Variants in TBCCD1 observed in about 807,000 individuals in gnomAD.
The protein encoded by TBCCD1 is TBCC domain containing 1.
Under a neutral mutation model 53.4 loss-of-function variants are expected in TBCCD1, and 26 were observed. That is an observed-to-expected ratio of 0.49 (90% CI 0.36 to 0.68). The LOEUF is 0.68. Among genes scored for constraint, TBCCD1 ranks in the 30% least tolerant of loss-of-function variants. TBCCD1 has a pLI of 0.00. For synonymous variants in TBCCD1, 245 were observed against 241.7 expected (o/e 1.01, Z -0.13); for missense variants, 558 against 669.5 (o/e 0.83, Z 1.84).
Position 186,564,183 on chromosome 3 carries a change from G to A in TBCCD1, c.147C>T (p.Tyr49=). 6.2e-7 allele frequency: 1 copy of A among 1,614,186 alleles called. No homozygotes were observed. The highest frequency in any genetic ancestry group is 8.5e-7 in the Non-Finnish European group (1 of 1,180,030). ...TCCATGTAGACCAGTAGAGGCGCGG[G>A]TAAGCTCCTTCTGTGGCCCGGATTT... ...YVQIRATEGA[Y]PRLYWSTWRH... Residue 49 remains tyrosine, a synonymous_variant, in exon 2 of 8, where the codon TAC becomes TAT. Transcript: ENST00000338733.
chr3:186,563,385 T>C (rs997093923), intron 2 of TBCCD1, among the ~76,000 whole-genome samples: 1 of 152,218 alleles, frequency 6.6e-6, no homozygotes, highest in Non-Finnish European at 1.5e-5. Context: ...TTAAATAGCA[T>C]CTTTTTTTAA....
upstream of TBCCD1, chr3:186,570,156 A>T (rs1285236078): frequency 1.4e-6 from 1 of 702,010 alleles, no homozygotes; most frequent in Non-Finnish European, 2.6e-6. Context: ...GTCTGTCATC[A>T]CTGTAGCCTT....
At chr3:186,564,629 T>G (rs1405933942) in intron 1 of TBCCD1, among the ~76,000 whole-genome samples, 1 of 152,162 alleles carries the variant, frequency 6.6e-6, no homozygotes, top group African/African-American at 2.4e-5. Context: ...TGTGTGTAGA[T>G]GCATGAAGTC....
At chr3:186,570,510 A>T (rs1375845515), upstream of TBCCD1, 1 of 492,296 alleles carries the variant, frequency 2.0e-6, no homozygotes, top group Non-Finnish European at 3.6e-6. Flanking sequence ...GCTCAGGCAG[A>T]GCGGGTTCCT....
At chr3:186,562,356 AAGAG>A (rs1346868131) in intron 2 of TBCCD1, among the ~76,000 whole-genome samples, 1 of 152,170 alleles carries the variant, frequency 6.6e-6, no homozygotes, top group South Asian at 2.1e-4. Context: ...TAAAAACAGA[AAGAG>A]AGAGAAATCC....
At chr3:186,552,365 G>A (rs1714406612) in intron 6 of TBCCD1, among the ~76,000 whole-genome samples, 1 of 152,036 alleles carries the variant, frequency 6.6e-6, no homozygotes, top group Non-Finnish European at 1.5e-5. Flanking sequence ...TTCTTTTGTT[G>A]AACATAAACA....
In TBCCD1 at chr3:186,551,191, G is replaced by C; in HGVS notation, c.1633C>G (p.Leu545Val). The C allele has an allele frequency of 6.2e-7, 1 of 1,612,600 alleles. No individual in the cohort carries two copies. The change falls in exon 7 of 8, where the codon CTT (leucine) becomes GTT (valine). Residue 545 changes from leucine to valine, a missense_variant. Leu to Val is a conservative substitution (Grantham distance 32). Transcript: ENST00000338733. ...NTGHRQQLDSLVPPAAGSKQA... is the reference protein window; with the variant it reads ...NTGHRQQLDSVVPPAAGSKQA... ...TTGGAGCCTGCTGCAGGGGGTACAA[G>C]GCTGTCCAGCTGTTGGCGATGTCCT...
At chr3:186,554,850 T>A in intron 5 of TBCCD1, 48 bp downstream of exon 5, 1 of 1,605,538 alleles carries the variant, frequency 6.2e-7, no homozygotes, top group Non-Finnish European at 8.5e-7. Flanking sequence ...TCAGTCACAG[T>A]CCAAAGAAAA....
intron 7 of TBCCD1, among the ~76,000 whole-genome samples, chr3:186,548,545 T>C (rs1441068759): frequency 6.6e-6 from 1 of 152,226 alleles, no homozygotes; most frequent in Admixed American, 6.5e-5. Flanking sequence ...TAATATTTTA[T>C]CTCAATAAAA....
chr3:186,556,344 T>C lies in TBCCD1; in HGVS notation c.859+65A>G. 5 of 1,542,504 alleles carry C rather than the reference T, an allele frequency of 3.2e-6. No individual in the cohort carries two copies. In the South Asian group the frequency reaches 6.4e-5, roughly 20 times the overall value. On this transcript the variant is annotated intron_variant, in intron 4 of 7. Transcript: ENST00000338733. ...GAGAAGACACGAGATCACTAATATA[T>C]TAGAAAACACTAGGTTCCTTAAGTT...
chr3:186,558,983 G>C (rs1341548017), intron 2 of TBCCD1, among the ~76,000 whole-genome samples: 1 of 152,208 alleles, frequency 6.6e-6, no homozygotes, highest in Non-Finnish European at 1.5e-5. Context: ...GACCTCAGGT[G>C]ATCTGCCCGC....
At chr3:186,547,634 T>C (rs1158715790) in intron 7 of TBCCD1, among the ~76,000 whole-genome samples, 1 of 148,378 alleles carries the variant, frequency 6.7e-6, no homozygotes, top group Admixed American at 6.8e-5. Flanking sequence ...TAAGACGGAG[T>C]CTCGCTCTGT....
At chr3:186,557,050 G>A (rs1714563361) in intron 3 of TBCCD1, among the ~76,000 whole-genome samples, 1 of 152,100 alleles carries the variant, frequency 6.6e-6, no homozygotes, top group Non-Finnish European at 1.5e-5. Context: ...ATTTCTTCCT[G>A]GGGGAACTGA....
chr3:186,567,244 C>T lies in TBCCD1; in HGVS notation c.-44+23G>A, dbSNP rs1421155362. On this transcript the variant is annotated intron_variant, in intron 1 of 7. Transcript: ENST00000338733. The stretch of plus-strand genomic sequence containing the variant: ...CCTGACTAACCCACACCGCCCTCCC[C>T]GGCGCACCCAGTGCGCGGTTACCTG... 7.2e-5 allele frequency: 11 copies of T among 152,438 alleles called. No individual in the cohort carries two copies. The East Asian group carries it at 1.9e-3, about 27-fold the overall frequency. 9.4% of individuals were successfully genotyped at this position (152,438 alleles called of 1,614,324 possible).
chr3:186,558,834 T>C (rs1353681004), intron 2 of TBCCD1, among the ~76,000 whole-genome samples: 1 of 152,158 alleles, frequency 6.6e-6, no homozygotes, highest in African/African-American at 2.4e-5. Context: ...TCCGCCTTCC[T>C]GGTTCAAGCG....
rs1484115099 is a variant in TBCCD1 at position 186,554,373 on chromosome 3, C to G, written c.1425G>C (p.Met475Ile). The change falls in exon 6 of 8, where the codon ATG becomes ATC. Residue 475 changes from methionine (M) to isoleucine (I), a missense_variant. Coordinates refer to ENST00000338733, the MANE Select transcript of TBCCD1 (RefSeq NM_018138.5). ...EFYVFIIPFEMEGDTTEIPGG... is the reference protein window; with the variant it reads ...EFYVFIIPFEIEGDTTEIPGG... ...CGGGTATCTCTGTTGTGTCCCCTTC[C>G]ATTTCAAAGGGAATAATAAATACAT... is the stretch of plus-strand genomic sequence containing the variant. 6.2e-6 allele frequency: 10 copies of G among 1,614,118 alleles called. No homozygotes were observed. The highest frequency in any genetic ancestry group is 5.0e-5 in the Admixed American group (3 of 60,008).
rs147206114 is a variant in TBCCD1 at position 186,550,542 on chromosome 3, C to T, written c.*21+587G>A. On this transcript the variant is annotated intron_variant, in intron 7 of 7. Transcript: ENST00000338733. Reference sequence around the variant, plus strand: ...CGGAAGCTGCAGTGAGCTGAGATGGCGCCACTGCACTCCAGCCTGGGCGAG... The same window carrying T: ...CGGAAGCTGCAGTGAGCTGAGATGGTGCCACTGCACTCCAGCCTGGGCGAG... Among the ~76,000 whole-genome samples the T allele has an allele frequency of 2.6e-3, 387 of 150,862 alleles. 2 individuals are homozygous for T. Among genetic ancestry groups the T allele is most frequent in the African/African-American group, 9.0e-3 (367 of 40,982 alleles).
chr3:186,551,143 A>G lies in TBCCD1; in HGVS notation c.*7T>C, dbSNP rs753159322. The G allele has an allele frequency of 6.2e-7, 1 of 1,609,312 alleles. No individual in the cohort carries two copies. The highest frequency in any genetic ancestry group is 8.5e-7 in the Non-Finnish European group (1 of 1,179,110). On this transcript the variant is annotated 3_prime_UTR_variant, in exon 7 of 8. Coordinates refer to ENST00000338733, the MANE Select transcript of TBCCD1 (RefSeq NM_018138.5). ...TAAATGCCTACCAGTGTCTGCATGTAAGATCCTTATCCAGCTGCTTGTTTG... is the reference window on the plus strand; with the variant it reads ...TAAATGCCTACCAGTGTCTGCATGTGAGATCCTTATCCAGCTGCTTGTTTG...
chr3:186,560,049 CT>C (rs1192547863), intron 2 of TBCCD1, among the ~76,000 whole-genome samples: 1 of 151,980 alleles, frequency 6.6e-6, no homozygotes, highest in African/African-American at 2.4e-5. Flanking sequence ...TTGGGATTGG[CT>C]TTTTTCACTA....
Sources: allele counts gnomAD v4.1 joint callset (sites outside exome capture counted in the v4.1 genomes callset), GRCh38; gene constraint gnomAD v4.1.1; transcripts MANE v1.5; gene names NCBI Gene and HGNC (gene_info 2026-07-23, HGNC 2026-07-21).